PIBF1: variants seen among roughly 807,000 people sequenced by gnomAD.
PIBF1 encodes the protein progesterone immunomodulatory binding factor 1.
PIBF1 carries 90 observed loss-of-function variants against 112.5 expected under a neutral mutation model. That is an observed-to-expected ratio of 0.80 (90% CI 0.67 to 0.95). PIBF1 has a LOEUF of 0.95. Among genes scored for constraint, PIBF1 ranks in the 40% least tolerant of loss-of-function variants. PIBF1 has a pLI of 0.00. For synonymous variants in PIBF1, 301 were observed against 288.6 expected (o/e 1.04, Z -0.44); for missense variants, 915 against 852.3 (o/e 1.07, Z -0.92).
chr13:72,866,694 A>G lies in PIBF1; in HGVS notation c.1322+12539A>G, dbSNP rs541940434. On this transcript the variant is annotated intron_variant, in intron 10 of 17. Transcript: ENST00000326291. Reference sequence around the variant, plus strand: ...ATAAAAACCTAGCTTTAGACAAGCTATGTTAGCTTCATTTAGGCCATTTAA... The same window carrying G: ...ATAAAAACCTAGCTTTAGACAAGCTGTGTTAGCTTCATTTAGGCCATTTAA... Among the ~76,000 whole-genome samples the G allele has an allele frequency of 2.0e-5, 3 of 152,302 alleles. No homozygotes were observed. The South Asian group carries it at 6.2e-4, about 32-fold the overall frequency.
intron 14 of PIBF1, among the ~76,000 whole-genome samples, chr13:72,950,086 GT>G (rs1555322486): frequency 3.9e-5 from 6 of 152,134 alleles, no homozygotes; most frequent in Non-Finnish European, 1.5e-5. Flanking sequence ...TGAAATAATT[GT>G]TATGTATCCC....
At chr13:72,929,635 A>G (rs1026939511) in intron 13 of PIBF1, among the ~76,000 whole-genome samples, 1 of 152,152 alleles carries the variant, frequency 6.6e-6, no homozygotes, top group Non-Finnish European at 1.5e-5. Flanking sequence ...ACTTTATGAT[A>G]TTTAAGTTGC....
chr13:72,896,767 A>G (rs1057019799), intron 11 of PIBF1, among the ~76,000 whole-genome samples: 1 of 152,176 alleles, frequency 6.6e-6, no homozygotes, highest in African/African-American at 2.4e-5. Flanking sequence ...GAATATGAAA[A>G]TATGACTAAA....
intron 11 of PIBF1, among the ~76,000 whole-genome samples, chr13:72,895,049 A>G (rs1387321327): frequency 6.6e-6 from 1 of 151,620 alleles, no homozygotes; most frequent in Non-Finnish European, 1.5e-5. Flanking sequence ...GCTTAAGCCC[A>G]GGAGGTCGAG....
intron 10 of PIBF1, among the ~76,000 whole-genome samples, chr13:72,890,783 T>C (rs2040025860): frequency 6.6e-6 from 1 of 152,128 alleles, no homozygotes; most frequent in African/African-American, 2.4e-5. Context: ...TAAGTGGGAG[T>C]TACCTGAAAC....
chr13:72,791,174 C>T (rs2034908442), intron 2 of PIBF1, among the ~76,000 whole-genome samples: 1 of 152,122 alleles, frequency 6.6e-6, no homozygotes, highest in South Asian at 2.1e-4. Context: ...CCTGCCTCAG[C>T]CTCCCGAGTA....
chr13:72,924,991 C>T (rs1000294465), intron 13 of PIBF1, among the ~76,000 whole-genome samples: 3 of 151,768 alleles, frequency 2.0e-5, no homozygotes, highest in South Asian at 4.2e-4. Context: ...GACTGGAGGA[C>T]CAAGAAAAGG....
chr13:72,947,062 T>A (rs2042168993), intron 14 of PIBF1, among the ~76,000 whole-genome samples: 1 of 152,198 alleles, frequency 6.6e-6, no homozygotes, highest in Non-Finnish European at 1.5e-5. Flanking sequence ...TAGCAGAGGT[T>A]CTCCATGAGG....
At chr13:73,007,379 C>T (rs1475976036) in intron 17 of PIBF1, among the ~76,000 whole-genome samples, 2 of 151,106 alleles carry the variant, frequency 1.3e-5, no homozygotes, top group African/African-American at 4.9e-5. Context: ...TGACTGCAGC[C>T]TCCACCTCCT....
chr13:72,881,261 A>G (rs1184213707), intron 10 of PIBF1: 1 of 152,168 alleles, frequency 6.6e-6, no homozygotes, highest in Non-Finnish European at 1.5e-5. Context: ...CCACCAAAAA[A>G]CTATTAGAAT....
chr13:72,805,373 A>C lies in PIBF1; in HGVS notation c.672+7347A>C, dbSNP rs916707048. On this transcript the variant is annotated intron_variant, in intron 5 of 17. Transcript: ENST00000326291. ...TAGCCAGGATGGTCTCGATCTCCTG[A>C]CCTCGTCATCCGCCCGCCTTGACCT... is the stretch of plus-strand genomic sequence containing the variant. Among the ~76,000 whole-genome samples the C allele has an allele frequency of 3.3e-5, 5 of 152,154 alleles. No individual in the cohort carries two copies. In the South Asian group the frequency reaches 1.0e-3, roughly 32 times the overall value.
chr13:73,003,247 GA>G (rs71102899), intron 17 of PIBF1, among the ~76,000 whole-genome samples: 10 of 150,790 alleles, frequency 6.6e-5, no homozygotes, highest in African/African-American at 9.7e-5. Context: ...CATCTGGAAA[GA>G]AAAAAAAATT....
rs1234529007 is a variant in PIBF1, at chr13:72,915,581, G to A, written c.1640-1495G>A. Among the ~76,000 whole-genome samples, 5 of 152,106 alleles carry A rather than the reference G, an allele frequency of 3.3e-5. No homozygotes were observed. The East Asian group carries it at 9.6e-4, about 29-fold the overall frequency. Reference sequence around the variant, plus strand: ...TCTCCTCTGAATTTAGAACTATTAAGGAGAAACAAGAGTCAGTTACATATC... The same window carrying A: ...TCTCCTCTGAATTTAGAACTATTAAAGAGAAACAAGAGTCAGTTACATATC... On this transcript the variant is annotated intron_variant, in intron 12 of 17. Transcript: ENST00000326291.
chr13:72,846,228 G>T (rs138391966), intron 9 of PIBF1, among the ~76,000 whole-genome samples: 11 of 152,156 alleles, frequency 7.2e-5, no homozygotes, highest in African/African-American at 2.6e-4. Context: ...TACCCAGTTC[G>T]ATTAAAGACA....
intron 5 of PIBF1, among the ~76,000 whole-genome samples, chr13:72,818,071 T>C (rs1015407426): frequency 7.2e-6 from 1 of 138,630 alleles, no homozygotes; most frequent in East Asian, 2.3e-4. Context: ...AATATATACA[T>C]ATATATACAC....
At chr13:72,829,096 A>G (rs764746529) in intron 8 of PIBF1, among the ~76,000 whole-genome samples, 6 of 151,406 alleles carry the variant, frequency 4.0e-5, no homozygotes, top group Admixed American at 6.6e-5. Context: ...AGAAGTGTCT[A>G]TATCCTTTGC....
chr13:72,958,783 G>C (rs2042526491), intron 14 of PIBF1, among the ~76,000 whole-genome samples: 1 of 152,182 alleles, frequency 6.6e-6, no homozygotes, highest in South Asian at 2.1e-4. Flanking sequence ...GAAGGAACTG[G>C]TATTAGTAGG....
chr13:72,966,016 G>C (rs186505854), intron 15 of PIBF1, among the ~76,000 whole-genome samples: 2 of 152,222 alleles, frequency 1.3e-5, no homozygotes, highest in African/African-American at 2.4e-5. Context: ...AAATGAAACA[G>C]TTTTACTTGT....
At chr13:72,836,368 G>A (rs921949571) in intron 9 of PIBF1, among the ~76,000 whole-genome samples, 3 of 152,000 alleles carry the variant, frequency 2.0e-5, no homozygotes, top group Non-Finnish European at 4.4e-5. Context: ...TGTCAGCAAG[G>A]CTTTAAATCA....
Sources: gnomAD v4.1 joint callset for allele counts (sites outside exome capture counted in the v4.1 genomes callset) on GRCh38, gnomAD v4.1.1 for gene constraint, MANE v1.5 for transcripts, NCBI Gene and HGNC (gene_info 2026-07-23, HGNC 2026-07-21) for gene names.